The following MSRA variants were observed in gnomAD, a reference collection of about 807,000 sequenced individuals.
MSRA encodes the protein mitochondrial peptide methionine sulfoxide reductase.
MSRA carries 54 observed loss-of-function variants against 31.3 expected under a neutral mutation model. That is an observed-to-expected ratio of 1.73 (90% CI 1.39 to 2.17). The LOEUF is 2.17. Ranked by LOEUF, MSRA falls within the 30% of genes most tolerant of loss-of-function variation. The pLI, the probability that MSRA is intolerant of heterozygous loss-of-function variation, is 0.00. For synonymous variants in MSRA, 169 were observed against 116.5 expected, an observed-to-expected ratio of 1.45 and a Z score of -2.90; for missense variants, 507 against 300.9, an observed-to-expected ratio of 1.69 and a Z score of -5.07.
At chr8:10,245,925 G>C (rs2952224) in intron 3 of MSRA, among the ~76,000 whole-genome samples, 2 of 152,342 alleles carry the variant, frequency 1.3e-5, no homozygotes, top group South Asian at 2.1e-4. Flanking sequence ...ACAATCTACC[G>C]CATGAGACAG....
chr8:10,155,686 C>T (rs1287701241), intron 1 of MSRA, among the ~76,000 whole-genome samples: 1 of 152,106 alleles, frequency 6.6e-6, no homozygotes, highest in East Asian at 1.9e-4. Context: ...CATGGTCTCT[C>T]ACTGGTCAAA....
At chr8:10,203,837 T>C (rs1006540917) in intron 1 of MSRA, among the ~76,000 whole-genome samples, 7 of 152,228 alleles carry the variant, frequency 4.6e-5, no homozygotes, top group South Asian at 4.1e-4. Flanking sequence ...TTATTGCCTC[T>C]AAAGACCTTC....
intron 4 of MSRA, among the ~76,000 whole-genome samples, chr8:10,305,210 T>C (rs1801061788): frequency 6.6e-6 from 1 of 152,204 alleles, no homozygotes; most frequent in Non-Finnish European, 1.5e-5. Context: ...GTGGAGATTC[T>C]TGCTGATGTC....
At chr8:10,302,410 A>C (rs748670945) in intron 4 of MSRA, among the ~76,000 whole-genome samples, 2 of 152,266 alleles carry the variant, frequency 1.3e-5, no homozygotes, top group Non-Finnish European at 2.9e-5. Flanking sequence ...GGTTTTTCAC[A>C]AACCCTCTTC....
At chr8:10,254,526 A>G (rs1041374390) in intron 3 of MSRA, among the ~76,000 whole-genome samples, 5 of 152,190 alleles carry the variant, frequency 3.3e-5, no homozygotes, top group African/African-American at 1.2e-4. Context: ...GTTTCTTGCC[A>G]TGACCACTTT....
At chr8:10,096,729 C>A (rs1799180460) in intron 1 of MSRA, among the ~76,000 whole-genome samples, 1 of 151,938 alleles carries the variant, frequency 6.6e-6, no homozygotes, top group South Asian at 2.1e-4. Flanking sequence ...ATGAATCTTT[C>A]CTATTAGGCC....
intron 5 of MSRA, among the ~76,000 whole-genome samples, chr8:10,345,612 T>C (rs1803721829): frequency 6.6e-6 from 1 of 152,218 alleles, no homozygotes; most frequent in African/African-American, 2.4e-5. Flanking sequence ...CAAATAATAA[T>C]TATGAAGAAT....
Position 10,347,934 on chromosome 8 carries a change from G to C in MSRA, c.543+27945G>C, listed in dbSNP as rs1803887358. ...ACGCTGTGCTGTAGTGATCGATGCA[G>C]ATGTCTTCTTTCCCTTACTGAACTA... is the stretch of plus-strand genomic sequence containing the variant. On this transcript the variant is annotated intron_variant, in intron 5 of 5. Coordinates refer to ENST00000317173, the MANE Select transcript of MSRA (RefSeq NM_012331.5). Among the ~76,000 whole-genome samples the C allele has an allele frequency of 2.0e-5, 3 of 152,214 alleles. No individual in the cohort carries two copies. The East Asian group carries it at 5.8e-4, about 29-fold the overall frequency.
intron 1 of MSRA, among the ~76,000 whole-genome samples, chr8:10,073,227 A>G (rs144096349): frequency 4.6e-5 from 7 of 152,332 alleles, no homozygotes; most frequent in Non-Finnish European, 8.8e-5. Flanking sequence ...TCACTAAACT[A>G]TCACATATGA....
intron 5 of MSRA, among the ~76,000 whole-genome samples, chr8:10,403,928 C>A (rs1807628396): frequency 6.6e-6 from 1 of 152,172 alleles, no homozygotes. Context: ...TAAAGAAATA[C>A]AGTAATAAAA....
At chr8:10,115,090 A>G (rs1312831058) in intron 1 of MSRA, among the ~76,000 whole-genome samples, 1 of 152,256 alleles carries the variant, frequency 6.6e-6, no homozygotes. Context: ...ATGAACATGT[A>G]TTATAGAGAT....
intron 3 of MSRA, among the ~76,000 whole-genome samples, chr8:10,292,521 C>G (rs1033545110): frequency 6.6e-6 from 1 of 152,242 alleles, no homozygotes; most frequent in African/African-American, 2.4e-5. Flanking sequence ...CTGAACTCTG[C>G]CTGCTCCCTC....
chr8:10,313,302 C>G (rs181464239), intron 4 of MSRA, among the ~76,000 whole-genome samples: 1 of 152,154 alleles, frequency 6.6e-6, no homozygotes, highest in Non-Finnish European at 1.5e-5. Flanking sequence ...TTCTGTCAGC[C>G]TAGGCCCCTG....
At chr8:10,127,869 G>A (rs369559818) in intron 1 of MSRA, among the ~76,000 whole-genome samples, 1 of 151,076 alleles carries the variant, frequency 6.6e-6, no homozygotes, top group African/African-American at 2.4e-5. Flanking sequence ...TTTTTTTTCA[G>A]ACCTCCAGGA....
chr8:10,356,132 G>A (rs928017736), intron 5 of MSRA, among the ~76,000 whole-genome samples: 1 of 152,160 alleles, frequency 6.6e-6, no homozygotes, highest in African/African-American at 2.4e-5. Flanking sequence ...CCAGGGGTCT[G>A]GACATTCACT....
chr8:10,115,070 C>G (rs990908347), intron 1 of MSRA, among the ~76,000 whole-genome samples: 2 of 152,146 alleles, frequency 1.3e-5, no homozygotes, highest in South Asian at 2.1e-4. Context: ...AAGAGAAGTC[C>G]CAGGTTAACA....
intron 1 of MSRA, among the ~76,000 whole-genome samples, chr8:10,167,041 C>G (rs533768630): frequency 3.9e-5 from 6 of 152,160 alleles, no homozygotes; most frequent in African/African-American, 1.4e-4. Flanking sequence ...AGTGCAGAGC[C>G]AAATATCTTG....
At chr8:10,285,638 A>G (rs1302759030) in intron 3 of MSRA, among the ~76,000 whole-genome samples, 3 of 151,276 alleles carry the variant, frequency 2.0e-5, no homozygotes, top group African/African-American at 7.3e-5. Context: ...GTCTCTCCCT[A>G]TATCCCCTTC....
intron 2 of MSRA, among the ~76,000 whole-genome samples, chr8:10,244,240 T>C (rs1272433222): frequency 2.0e-5 from 3 of 152,194 alleles, no homozygotes; most frequent in African/African-American, 7.2e-5. Flanking sequence ...AAGTGGGCCA[T>C]AGAACACCAA....
Sources: allele counts gnomAD v4.1 joint callset (sites outside exome capture counted in the v4.1 genomes callset), GRCh38; gene constraint gnomAD v4.1.1; transcripts MANE v1.5; gene names NCBI Gene and HGNC (gene_info 2026-07-23, HGNC 2026-07-21).